The following MMUT variants were observed in gnomAD, a reference collection of about 807,000 sequenced individuals.
The protein encoded by MMUT is methylmalonyl-CoA mutase.
In MMUT, 79 loss-of-function variants were observed where a neutral mutation model predicts 79.9. The observed-to-expected ratio is 0.99, with a 90% CI of 0.82 to 1.19. The LOEUF (loss-of-function observed/expected upper bound fraction) is 1.19. Ranked by LOEUF, MMUT falls within the 50% of genes most tolerant of loss-of-function variation. The pLI, the probability that MMUT is intolerant of heterozygous loss-of-function variation, is 0.00. For synonymous variants in MMUT, 273 were observed against 295.7 expected, an observed-to-expected ratio of 0.92 and a Z score of 0.79; for missense variants, 860 against 917.2, an observed-to-expected ratio of 0.94 and a Z score of 0.81.
intron 1 of MMUT, among the ~76,000 whole-genome samples, chr6:49,460,009 C>T (rs112376045): frequency 0.014 from 2,073 of 152,308 alleles, 43 homozygotes; most frequent in African/African-American, 0.045. Context: ...CTGTTTCCCC[C>T]TCAGACCCAT....
chr6:49,434,486 T>C (rs962218321), intron 12 of MMUT, among the ~76,000 whole-genome samples: 1 of 152,178 alleles, frequency 6.6e-6, no homozygotes, highest in South Asian at 2.1e-4. Flanking sequence ...ATTTTACTGA[T>C]GGATTCCTGC....
At chr6:49,432,923 A>T (rs1176527007) in intron 12 of MMUT, among the ~76,000 whole-genome samples, 2 of 152,098 alleles carry the variant, frequency 1.3e-5, no homozygotes, top group East Asian at 3.9e-4. Context: ...TCTATTCTCA[A>T]GTGATAAATT....
intron 11 of MMUT, 21 bp downstream of exon 11, chr6:49,440,184 TC>T (rs768309452): frequency 1.2e-5 from 20 of 1,613,496 alleles, no homozygotes; most frequent in Non-Finnish European, 1.7e-5. Context: ...CTTTTGAAAT[TC>T]CCCCCAACAG....
intron 11 of MMUT, among the ~76,000 whole-genome samples, chr6:49,439,230 G>A (rs1015345679): frequency 1.3e-5 from 2 of 152,114 alleles, no homozygotes; most frequent in African/African-American, 2.4e-5. Context: ...AGTTCTGGTC[G>A]CATGGTGACT....
intron 2 of MMUT, among the ~76,000 whole-genome samples, chr6:49,458,445 G>C (rs72855811): frequency 1.3e-5 from 2 of 152,044 alleles, no homozygotes; most frequent in Admixed American, 6.6e-5. Flanking sequence ...TTACTATTTT[G>C]TTCTTTTATC....
chr6:49,460,507 T>C lies in MMUT; in HGVS notation c.-39-1002A>G, dbSNP rs771090679. Among the ~76,000 whole-genome samples, 4 of 152,226 alleles carry C rather than the reference T, an allele frequency of 2.6e-5. No homozygotes were observed. In the East Asian group the frequency reaches 5.8e-4, roughly 22 times the overall value. ...GGATAACTAGCATAGACTTTTATAC[T>C]AGGTTGCTGGGTTCAGCGTCATCAT... On this transcript the variant is annotated intron_variant, in intron 1 of 12. Transcript: ENST00000274813.
intron 4 of MMUT, 27 bp from the exon 5 acceptor site, chr6:49,453,783 TTTAA>T (rs1434889191): frequency 2.5e-6 from 4 of 1,585,780 alleles, no homozygotes; most frequent in South Asian, 1.1e-5. Context: ...AGGTCCAGAA[TTTAA>T]TTAAAGTTAA....
intron 1 of MMUT, among the ~76,000 whole-genome samples, chr6:49,461,361 CAAAA>C (rs974151960): frequency 2.0e-5 from 3 of 151,684 alleles, no homozygotes; most frequent in Non-Finnish European, 4.4e-5. Flanking sequence ...CATAGTTTCC[CAAAA>C]AAAGAGAAAC....
rs772048660 is a variant in MMUT at position 49,457,766 on chromosome 6, C to T, written c.678G>A (p.Met226Ile). 1 of 1,612,204 alleles carries T rather than the reference C, an allele frequency of 6.2e-7. No homozygotes were observed. Among genetic ancestry groups the T allele is most frequent in the Non-Finnish European group, 8.5e-7 (1 of 1,178,872 alleles). ...GAGGAAAAATGTATGTATTTCGAAC[C>T]ATAAATTCCTTTAGTATATCATTTT... is the stretch of plus-strand genomic sequence containing the variant. Reference protein sequence around the residue: ...TIQNDILKEFMVRNTYIFPPE... With the variant: ...TIQNDILKEFIVRNTYIFPPE... Residue 226 changes from methionine (M) to isoleucine (I), a missense_variant, in exon 3 of 13, where the codon ATG becomes ATA. Physicochemically the swap from Met to Ile is conservative, Grantham distance 10. Transcript: ENST00000274813.
chr6:49,442,598 T>C (rs923375357), intron 9 of MMUT, among the ~76,000 whole-genome samples: 2 of 152,108 alleles, frequency 1.3e-5, no homozygotes, highest in Non-Finnish European at 2.9e-5. Context: ...AAAGATGGAA[T>C]GGGCTGTCTG....
At chr6:49,454,879 T>C (rs979533259) in intron 4 of MMUT, among the ~76,000 whole-genome samples, 1 of 152,024 alleles carries the variant, frequency 6.6e-6, no homozygotes, top group Non-Finnish European at 1.5e-5. Context: ...ACCCCATCTC[T>C]ACAGGAAAAC....
At chr6:49,438,736 T>G (rs1767196947) in intron 11 of MMUT, among the ~76,000 whole-genome samples, 1 of 152,140 alleles carries the variant, frequency 6.6e-6, no homozygotes, top group South Asian at 2.1e-4. Context: ...AGGAAAGGGC[T>G]AGACCCACCC....
At chr6:49,450,566 C>T (rs1008521621) in intron 6 of MMUT, among the ~76,000 whole-genome samples, 2 of 151,734 alleles carry the variant, frequency 1.3e-5, no homozygotes, top group Non-Finnish European at 2.9e-5. Flanking sequence ...ATATTGAAAG[C>T]CAGAATAAAA....
At chr6:49,450,120 A>G (rs1256510054) in intron 6 of MMUT, among the ~76,000 whole-genome samples, 1 of 151,702 alleles carries the variant, frequency 6.6e-6, no homozygotes, top group Non-Finnish European at 1.5e-5. Flanking sequence ...AATCCCAGCT[A>G]CTCGGGAGGC....
chr6:49,442,490 A>T (rs1036171079), intron 9 of MMUT, among the ~76,000 whole-genome samples: 1 of 152,106 alleles, frequency 6.6e-6, no homozygotes, highest in Non-Finnish European at 1.5e-5. Context: ...AACATCTGTA[A>T]CATCTAGTCA....
At chr6:49,448,762 A>G (rs912724936) in intron 7 of MMUT, 54 bp downstream of exon 7, 5 of 1,399,816 alleles carry the variant, frequency 3.6e-6, no homozygotes, top group Admixed American at 3.4e-5. Flanking sequence ...TCAAACAGAA[A>G]TGAATTTCTT....
chr6:49,457,502 T>C (rs1318354513), intron 3 of MMUT, among the ~76,000 whole-genome samples, 189 bp downstream of exon 3: 1 of 152,170 alleles, frequency 6.6e-6, no homozygotes, highest in Non-Finnish European at 1.5e-5. Flanking sequence ...ACAGTAAAGA[T>C]CTGTTGCCCA....
At chr6:49,442,920 T>C (rs1477661020) in intron 9 of MMUT, among the ~76,000 whole-genome samples, 1 of 152,046 alleles carries the variant, frequency 6.6e-6, no homozygotes, top group Non-Finnish European at 1.5e-5. Flanking sequence ...TGGGCAACCA[T>C]CAAAGGACTT....
chr6:49,455,368 A>G (rs1767660552), intron 4 of MMUT, among the ~76,000 whole-genome samples: 3 of 152,204 alleles, frequency 2.0e-5, no homozygotes, highest in Admixed American at 2.0e-4. Context: ...AATACCCCAG[A>G]AAGAGTCTTA....
Sources: allele counts gnomAD v4.1 joint callset (sites outside exome capture counted in the v4.1 genomes callset), GRCh38; gene constraint gnomAD v4.1.1; transcripts MANE v1.5; gene names NCBI Gene and HGNC (gene_info 2026-07-23, HGNC 2026-07-21).